Variants in SFMBT2 observed in about 807,000 individuals in gnomAD.
The protein encoded by SFMBT2 is Scm like with four mbt domains 2.
Under a neutral mutation model 110.1 loss-of-function variants are expected in SFMBT2, and 38 were observed. The observed-to-expected ratio is 0.35, with a 90% CI of 0.27 to 0.45. The LOEUF (loss-of-function observed/expected upper bound fraction) is 0.45, where lower values mean the gene tolerates loss of function less well. Ranked by LOEUF, SFMBT2 falls within the 20% of genes least tolerant of loss-of-function variation. The pLI is 1.00. For missense variants in SFMBT2, 1,011 were observed against 1,094.9 expected (o/e 0.92, Z 1.08); for synonymous variants, 425 against 425.4 (o/e 1.00, Z 0.01).
chr10:7,242,702 T>C (rs1226453622), intron 9 of SFMBT2, among the ~76,000 whole-genome samples: 2 of 152,168 alleles, frequency 1.3e-5, no homozygotes, highest in African/African-American at 4.8e-5. Context: ...GCAGGCACCA[T>C]TAAATGATGT....
intron 4 of SFMBT2, among the ~76,000 whole-genome samples, chr10:7,359,516 C>T (rs1302237813): frequency 1.3e-5 from 2 of 152,240 alleles, no homozygotes; most frequent in African/African-American, 4.8e-5. Context: ...ACTTAAATTA[C>T]ATATGTTGCT....
chr10:7,391,513 G>C (rs1278459237), intron 1 of SFMBT2, among the ~76,000 whole-genome samples: 1 of 151,382 alleles, frequency 6.6e-6, no homozygotes, highest in Non-Finnish European at 1.5e-5. Flanking sequence ...ACATGACTCT[G>C]GAGGGCAATG....
At chr10:7,223,826 T>A (rs1424045422) in intron 10 of SFMBT2, among the ~76,000 whole-genome samples, 1 of 152,234 alleles carries the variant, frequency 6.6e-6, no homozygotes, top group East Asian at 1.9e-4. Flanking sequence ...ACGTTTTGAT[T>A]CAGTTGATTG....
intron 7 of SFMBT2, among the ~76,000 whole-genome samples, chr10:7,276,446 C>T (rs764274808): frequency 9.9e-5 from 15 of 152,080 alleles, no homozygotes; most frequent in Non-Finnish European, 2.1e-4. Flanking sequence ...TAAAAAGCAA[C>T]ATGAAACAGA....
At chr10:7,259,492 G>C (rs1325965271) in intron 7 of SFMBT2, among the ~76,000 whole-genome samples, 1 of 152,238 alleles carries the variant, frequency 6.6e-6, no homozygotes, top group African/African-American at 2.4e-5. Context: ...TGCCACTGTA[G>C]GATGTTGCAA....
rs112265150 is a variant in SFMBT2, at chr10:7,350,186, C to T, written c.436+17463G>A. Among the ~76,000 whole-genome samples, 949 of 151,960 alleles carry T rather than the reference C, an allele frequency of 6.2e-3. 13 individuals are homozygous for T. The highest frequency in any genetic ancestry group is 0.021 in the African/African-American group (885 of 41,424). On this transcript the variant is annotated intron_variant, in intron 4 of 20. Coordinates refer to ENST00000397167, the MANE Select transcript of SFMBT2 (RefSeq NM_001387889.1). ...CCTCCTGCCCAATCGTGTCTTAGTT[C>T]CTAGATTTTTTTTTTTTCCATGGGG...
At chr10:7,193,775 G>A (rs987231309) in intron 15 of SFMBT2, among the ~76,000 whole-genome samples, 1 of 152,220 alleles carries the variant, frequency 6.6e-6, no homozygotes, top group African/African-American at 2.4e-5. Flanking sequence ...GAGATGGTAT[G>A]TAAGTTACAA....
intron 11 of SFMBT2, among the ~76,000 whole-genome samples, chr10:7,214,929 A>G (rs1839482792): frequency 6.6e-6 from 1 of 152,232 alleles, no homozygotes; most frequent in Admixed American, 6.5e-5. Flanking sequence ...AGTGGTAACA[A>G]CTGAAAGAGC....
intron 4 of SFMBT2, among the ~76,000 whole-genome samples, chr10:7,342,767 G>A (rs537909824): frequency 3.9e-5 from 6 of 152,202 alleles, no homozygotes; most frequent in Admixed American, 1.3e-4. Flanking sequence ...ATAATCACTC[G>A]TGTCCATATT....
intron 11 of SFMBT2, among the ~76,000 whole-genome samples, chr10:7,208,697 A>G (rs1839232686): frequency 1.9e-5 from 1 of 53,494 alleles, no homozygotes; most frequent in Admixed American, 1.7e-4. Flanking sequence ...AAAAAAAAAA[A>G]AAAGAAAAAA....
Position 7,172,793 on chromosome 10 carries a change from G to GA in SFMBT2, c.1985-133dup. 4.4e-6 allele frequency: 5 copies of GA among 1,144,806 alleles called. No individual in the cohort carries two copies. In the South Asian group the frequency reaches 4.9e-5, roughly 11 times the overall value. The allele number at this position is 1,144,806 out of a possible 1,614,324, so 70.9% of individuals were successfully genotyped here. ...TTTGTGCCTTACGAAGTCATTCTGA[G>GA]AAAACAGACCCACAGGAGAAGCACT... On this transcript the variant is annotated intron_variant, in intron 17 of 20. Coordinates refer to ENST00000397167, the MANE Select transcript of SFMBT2 (RefSeq NM_001387889.1). The surrounding 1 kb of genome is among the most constrained non-coding windows in gnomAD (Gnocchi z 4.6).
At chr10:7,226,543 T>C (rs1323874412) in intron 10 of SFMBT2, among the ~76,000 whole-genome samples, 1 of 152,196 alleles carries the variant, frequency 6.6e-6, no homozygotes, top group Non-Finnish European at 1.5e-5. Context: ...TGCACTGTTG[T>C]TACAGATCTC....
Position 7,385,819 on chromosome 10 carries a change from GA to G in SFMBT2, c.-51-3871del, listed in dbSNP as rs370141007. 3.9e-4 allele frequency among the ~76,000 whole-genome samples: 59 copies of G among 152,184 alleles called. No individual in the cohort carries two copies. The East Asian group carries it at 8.3e-3, about 21-fold the overall frequency. On this transcript the variant is annotated intron_variant, in intron 1 of 20. Transcript: ENST00000397167. ...TCAAGACCATCCTGGCTAACACGGT[GA>G]AACCCCGTCTCTACTAAAAATACAA...
intron 4 of SFMBT2, among the ~76,000 whole-genome samples, chr10:7,313,388 G>A (rs1472018541): frequency 6.6e-6 from 1 of 152,172 alleles, no homozygotes; most frequent in Non-Finnish European, 1.5e-5. Flanking sequence ...CACGATTGCA[G>A]CTCACTGCAG....
At chr10:7,307,527 G>A (rs1842730569) in intron 4 of SFMBT2, among the ~76,000 whole-genome samples, 1 of 152,148 alleles carries the variant, frequency 6.6e-6, no homozygotes, top group African/African-American at 2.4e-5. Context: ...CAAACAAATA[G>A]ACAAATCCAA....
chr10:7,189,209 T>C (rs1588782192), intron 15 of SFMBT2: 1 of 984,400 alleles, frequency 1.0e-6, no homozygotes, highest in Non-Finnish European at 1.2e-6. Context: ...TAACAAATTG[T>C]GTGAAACTCT....
chr10:7,208,631 A>G (rs1322140231), intron 11 of SFMBT2, among the ~76,000 whole-genome samples: 1 of 151,484 alleles, frequency 6.6e-6, no homozygotes, highest in Non-Finnish European at 1.5e-5. Context: ...GGTTGCAGTG[A>G]GCCAAGATCA....
In SFMBT2 at chr10:7,179,406, A is replaced by C. The variant is rs67965910; in HGVS notation, c.1809-3241T>G. Among the ~76,000 whole-genome samples the C allele has an allele frequency of 1.3e-4, 20 of 151,284 alleles. No homozygotes were observed. The South Asian group carries it at 1.5e-3, about 11-fold the overall frequency. On this transcript the variant is annotated intron_variant, in intron 16 of 20. Coordinates refer to ENST00000397167, the MANE Select transcript of SFMBT2 (RefSeq NM_001387889.1). ...TTGCATTTTCGAAAAAAAAAAAAAA[A>C]AAAAAAAAAACAAAAGAAACAGCAC...
At chr10:7,292,583 T>TAC (rs1564425138) in intron 4 of SFMBT2, among the ~76,000 whole-genome samples, 2 of 152,162 alleles carry the variant, frequency 1.3e-5, no homozygotes, top group East Asian at 3.9e-4. Flanking sequence ...AAATTACACT[T>TAC]ACACACACAC....
Sources: allele counts gnomAD v4.1 joint callset (sites outside exome capture counted in the v4.1 genomes callset), GRCh38; gene constraint gnomAD v4.1.1; non-coding constraint Gnocchi (gnomAD v3.1); transcripts MANE v1.5; gene names NCBI Gene and HGNC (gene_info 2026-07-23, HGNC 2026-07-21).